The following ZDHHC2 variants were observed in gnomAD, a reference collection of about 807,000 sequenced individuals.
ZDHHC2 encodes zDHHC palmitoyltransferase 2, also known as palmitoyltransferase ZDHHC2.
In ZDHHC2, 51 loss-of-function variants were observed where a neutral mutation model predicts 55.6. The observed-to-expected ratio is 0.92, with a 90% CI of 0.73 to 1.16. The LOEUF is 1.16. Among genes scored for constraint, ZDHHC2 ranks in the 50% most tolerant of loss-of-function variants. The probability of loss-of-function intolerance (pLI) is 0.00; values close to 1 mark genes in which losing one functional copy is unlikely to be tolerated. For missense variants in ZDHHC2, 491 were observed against 442.4 expected (o/e 1.11, Z -0.99); for synonymous variants, 199 against 152.9 (o/e 1.30, Z -2.22).
rs1805714141 is a variant in ZDHHC2, at chr8:17,186,424, A to G, written c.251A>G (p.Glu84Gly). Residue 84 changes from glutamate (E) to glycine (G), a missense_variant and splice_region_variant, in exon 3 of 13, where the codon GAA becomes GGA. By Grantham distance (98) the Glu-to-Gly change is moderately conservative. Transcript: ENST00000262096. ...IFTLPMNPSK[E>G]FHLSYAEKDL... is the part of the protein sequence containing the mutation. ...ACATTACCAATGAATCCTTCAAAAG[A>G]AGTAAGTTAAAATATTAACGAAATT... 3.3e-6 allele frequency: 5 copies of G among 1,515,152 alleles called. No individual in the cohort carries two copies. Among genetic ancestry groups the G allele is most frequent in the Non-Finnish European group, 4.4e-6 (5 of 1,125,934 alleles). 93.9% of individuals were successfully genotyped at this position (1,515,152 alleles called of 1,614,324 possible). A position where few individuals can be genotyped will look rare whatever the true frequency, so the allele number is the denominator to read the frequency against.
intron 8 of ZDHHC2, 125 bp from the exon 9 acceptor site, chr8:17,209,807 G>A: frequency 1.8e-6 from 2 of 1,113,960 alleles, no homozygotes; most frequent in Non-Finnish European, 2.5e-6. Context: ...AGGCACATAA[G>A]CCCTCACAGT....
intron 1 of ZDHHC2, among the ~76,000 whole-genome samples, chr8:17,165,819 T>A (rs1295323051): frequency 6.6e-6 from 1 of 152,190 alleles, no homozygotes; most frequent in Non-Finnish European, 1.5e-5. Context: ...GAAGAACTCA[T>A]GAAATTTAAG....
Position 17,224,476 on chromosome 8 carries a change from C to G in ZDHHC2, c.*4255C>G, listed in dbSNP as rs1250260228. The G allele has an allele frequency of 6.6e-6, 1 of 151,382 alleles. No homozygotes were observed. Among genetic ancestry groups the G allele is most frequent in the Non-Finnish European group, 1.5e-5 (1 of 67,606 alleles). 9.4% of individuals were successfully genotyped at this position (151,382 alleles called of 1,614,324 possible). A position where few individuals can be genotyped will look rare whatever the true frequency, so the allele number is the denominator to read the frequency against. On this transcript the variant is annotated 3_prime_UTR_variant, in exon 13 of 13. Transcript: ENST00000262096. ...GTACTACTTTATGGTTTATGAAAAC[C>G]TATGATTTATGTTGCATCTTCCGGG...
chr8:17,181,154 A>G (rs187402220), intron 1 of ZDHHC2, among the ~76,000 whole-genome samples: 2 of 152,350 alleles, frequency 1.3e-5, no homozygotes, highest in African/African-American at 4.8e-5. Flanking sequence ...TGCCCACAAA[A>G]GAAAAATGAA....
chr8:17,204,437 C>A (rs755910111), intron 6 of ZDHHC2, among the ~76,000 whole-genome samples: 2 of 152,188 alleles, frequency 1.3e-5, no homozygotes, highest in African/African-American at 2.4e-5. Context: ...TTCGTTATAC[C>A]GGTTAACCAA....
intron 5 of ZDHHC2, among the ~76,000 whole-genome samples, 180 bp from the exon 6 acceptor site, chr8:17,198,201 G>C (rs1806423274): frequency 6.6e-6 from 1 of 152,054 alleles, no homozygotes; most frequent in African/African-American, 2.4e-5. Context: ...TATAAGAATT[G>C]GCTATAGGGT....
Position 17,211,076 on chromosome 8 carries a change from C to G in ZDHHC2, c.950+596C>G, listed in dbSNP as rs1397703670. On this transcript the variant is annotated intron_variant, in intron 10 of 12. Transcript: ENST00000262096. ...TAAGTTTGTTTTGATTCCAGACTAT[C>G]AAGAATTTGAGGCTGGCCAGAGAAA... Among the ~76,000 whole-genome samples the G allele has an allele frequency of 2.6e-5, 4 of 152,136 alleles. No individual in the cohort carries two copies. The East Asian group carries it at 5.8e-4, about 22-fold the overall frequency.
intron 3 of ZDHHC2, among the ~76,000 whole-genome samples, chr8:17,191,929 A>G (rs1806051876): frequency 6.6e-6 from 1 of 152,146 alleles, no homozygotes; most frequent in African/African-American, 2.4e-5. Context: ...CCAACAGTAT[A>G]CAAGGGTTCC....
intron 3 of ZDHHC2, among the ~76,000 whole-genome samples, chr8:17,192,646 CTT>C (rs1388355126): frequency 6.6e-6 from 1 of 152,148 alleles, no homozygotes; most frequent in Admixed American, 6.5e-5. Context: ...CATTTGTCCA[CTT>C]TTGCTTTGGT....
At chr8:17,200,102 G>A (rs1227799034) in intron 6 of ZDHHC2, among the ~76,000 whole-genome samples, 1 of 152,138 alleles carries the variant, frequency 6.6e-6, no homozygotes, top group East Asian at 1.9e-4. Flanking sequence ...TTCCCCTGCA[G>A]CTGCTGTCAG....
intron 3 of ZDHHC2, 128 bp from the exon 4 acceptor site, chr8:17,195,376 T>A: frequency 2.7e-6 from 3 of 1,122,858 alleles, no homozygotes; most frequent in Non-Finnish European, 3.7e-6. Context: ...TTTCAAACTC[T>A]ATTGTCTCTT....
chr8:17,220,076 A>G (rs1807850447), intron 12 of ZDHHC2, among the ~76,000 whole-genome samples, 180 bp from the exon 13 acceptor site: 2 of 152,050 alleles, frequency 1.3e-5, no homozygotes, highest in South Asian at 4.2e-4. Flanking sequence ...GTATATGCAT[A>G]TTAAAGTTTG....
intron 5 of ZDHHC2, 94 bp from the exon 6 acceptor site, chr8:17,198,287 A>C: frequency 8.4e-7 from 1 of 1,184,434 alleles, no homozygotes; most frequent in Non-Finnish European, 1.1e-6. Context: ...TACTTGCCGC[A>C]GCTGTTTGAA....
At chr8:17,216,434 T>C (rs1169005249) in intron 11 of ZDHHC2, among the ~76,000 whole-genome samples, 2 of 152,176 alleles carry the variant, frequency 1.3e-5, no homozygotes, top group Non-Finnish European at 2.9e-5. Flanking sequence ...CATAATTTGG[T>C]CACTCTCTTG....
intron 6 of ZDHHC2, among the ~76,000 whole-genome samples, chr8:17,204,129 A>T (rs1444756263): frequency 2.0e-5 from 3 of 152,178 alleles, no homozygotes; most frequent in African/African-American, 7.2e-5. Context: ...TTTATAAATT[A>T]TTTGCCCATA....
intron 10 of ZDHHC2, among the ~76,000 whole-genome samples, chr8:17,214,276 C>T (rs1009305313): frequency 6.6e-6 from 1 of 152,200 alleles, no homozygotes; most frequent in East Asian, 1.9e-4. Flanking sequence ...GAAGACTGCT[C>T]ATTCCCCAGA....
rs143446518 is a variant in ZDHHC2, at chr8:17,193,417, G to A, written c.253-2087G>A. 1.6e-3 allele frequency among the ~76,000 whole-genome samples: 240 copies of A among 152,300 alleles called. 1 individual carries two copies. The highest frequency in any genetic ancestry group is 1.6e-3 in the Non-Finnish European group (112 of 68,024). Reference sequence around the variant, plus strand: ...CTCTCTCTCTCTCTGCTGAGCTGCCGGGAGCTGGTGGAGGGGTGACATGGC... The same window carrying A: ...CTCTCTCTCTCTCTGCTGAGCTGCCAGGAGCTGGTGGAGGGGTGACATGGC... On this transcript the variant is annotated intron_variant, in intron 3 of 12. Coordinates refer to ENST00000262096, the MANE Select transcript of ZDHHC2 (RefSeq NM_016353.5).
intron 6 of ZDHHC2, among the ~76,000 whole-genome samples, chr8:17,200,220 C>T (rs1327311347): frequency 6.6e-6 from 1 of 152,224 alleles, no homozygotes; most frequent in Non-Finnish European, 1.5e-5. Flanking sequence ...TTCTTTTCTT[C>T]TCTGCCTGAG....
At chr8:17,165,018 G>C (rs2952124) in intron 1 of ZDHHC2, among the ~76,000 whole-genome samples, 22,205 of 152,172 alleles carry the variant, frequency 0.15, 4,162 homozygotes, top group East Asian at 0.5. Flanking sequence ...CAGATTTGTA[G>C]GGATGTGAGG....
Sources: gnomAD v4.1 joint callset for allele counts (sites outside exome capture counted in the v4.1 genomes callset) on GRCh38, gnomAD v4.1.1 for gene constraint, MANE v1.5 for transcripts, NCBI Gene and HGNC (gene_info 2026-07-23, HGNC 2026-07-21) for gene names.